The following ADGRV1 variants were observed in gnomAD, a reference collection of about 807,000 sequenced individuals.
ADGRV1 encodes the protein adhesion G protein-coupled receptor V1, also known as G-protein coupled receptor 98.
A neutral mutation model predicts 596.2 loss-of-function variants in ADGRV1; 359 were observed. The observed-to-expected ratio is 0.60, with a 90% CI of 0.55 to 0.66. ADGRV1 has a LOEUF of 0.66. Ranked by LOEUF, ADGRV1 falls within the 30% of genes least tolerant of loss-of-function variation. The pLI is 0.00. For synonymous variants in ADGRV1, 2,681 were observed against 2,679.2 expected (o/e 1.00, Z -0.02); for missense variants, 7,274 against 7,575.6 (o/e 0.96, Z 1.48).
intron 85 of ADGRV1, among the ~76,000 whole-genome samples, chr5:91,043,056 A>C (rs1413691893): frequency 6.6e-6 from 1 of 152,130 alleles, no homozygotes; most frequent in Non-Finnish European, 1.5e-5. Flanking sequence ...TCCCCAGTTC[A>C]CTGTGTATCA....
intron 79 of ADGRV1, among the ~76,000 whole-genome samples, chr5:90,851,264 G>A (rs1026117602): frequency 6.6e-6 from 1 of 151,866 alleles, no homozygotes; most frequent in Non-Finnish European, 1.5e-5. Context: ...CCACATAGGG[G>A]ATTACTGTTC....
At chr5:90,602,295 C>T (rs897436435) in intron 1 of ADGRV1, among the ~76,000 whole-genome samples, 5 of 152,040 alleles carry the variant, frequency 3.3e-5, no homozygotes, top group African/African-American at 4.8e-5. Context: ...AAGAAATTTT[C>T]GAAAGGGGAG....
At chr5:91,036,426 G>A (rs1363873116) in intron 85 of ADGRV1, among the ~76,000 whole-genome samples, 1 of 152,142 alleles carries the variant, frequency 6.6e-6, no homozygotes, top group Non-Finnish European at 1.5e-5. Context: ...GCCGGGCGTG[G>A]TGGCGGGCAC....
chr5:91,009,592 C>G (rs771792143), intron 85 of ADGRV1, among the ~76,000 whole-genome samples: 2 of 151,956 alleles, frequency 1.3e-5, no homozygotes, highest in Non-Finnish European at 2.9e-5. Flanking sequence ...ACATTTAGAA[C>G]CAGATAATGA....
intron 43 of ADGRV1, chr5:90,717,058 C>G (rs1427394442): frequency 1.3e-5 from 2 of 158,938 alleles, no homozygotes; most frequent in African/African-American, 4.8e-5. Flanking sequence ...AAAACCCAAG[C>G]CAACTTTTGT....
chr5:90,969,900 C>T (rs951221015), intron 84 of ADGRV1, among the ~76,000 whole-genome samples: 10 of 152,278 alleles, frequency 6.6e-5, no homozygotes, highest in Admixed American at 3.3e-4. Context: ...TGCAACCCAC[C>T]GAGCGTGAGC....
chr5:90,596,231 T>C (rs2152010376), intron 1 of ADGRV1, among the ~76,000 whole-genome samples: 1 of 143,644 alleles, frequency 7.0e-6, no homozygotes, highest in East Asian at 2.1e-4. Context: ...CTAGATGTGA[T>C]GGCGGCCGGG....
Position 90,595,613 on chromosome 5 carries a change from CT to C in ADGRV1, c.23-19221del, listed in dbSNP as rs1760322688. On this transcript the variant is annotated intron_variant, in intron 1 of 89. Coordinates refer to ENST00000405460, the MANE Select transcript of ADGRV1 (RefSeq NM_032119.4). ...ATGGGGCGGCTGGCCGGGCGGGGGG[CT>C]GACCCCCCCACCTCCCTCCCGGACG... 1.5e-5 allele frequency among the ~76,000 whole-genome samples: 2 copies of C among 129,730 alleles called. 1 individual carries two copies. The highest frequency in any genetic ancestry group is 6.4e-5 in the African/African-American group (2 of 31,140). 85.1% of individuals were successfully genotyped at this position (129,730 alleles called of 152,430 possible). A position where few individuals can be genotyped will look rare whatever the true frequency, so the allele number is the denominator to read the frequency against.
At position 90,647,779 on chromosome 5, in the gene ADGRV1, C is replaced by CT. The variant is rs757984218; in HGVS notation, c.3289+21dup. On this transcript the variant is annotated intron_variant, in intron 17 of 89. Coordinates refer to ENST00000405460, the MANE Select transcript of ADGRV1 (RefSeq NM_032119.4). ...GAATTCAACAGGTAAGTAAATTATGCTTTTTTATGGCAGATCTGCCTCAGT... is the reference window on the plus strand; with the variant it reads ...GAATTCAACAGGTAAGTAAATTATGCTTTTTTTATGGCAGATCTGCCTCAGT... 4.4e-6 allele frequency: 7 copies of CT among 1,604,304 alleles called. No individual in the cohort carries two copies. The East Asian group carries it at 1.6e-4, about 36-fold the overall frequency.
intron 47 of ADGRV1, 64 bp from the exon 48 acceptor site, chr5:90,725,485 T>C: frequency 1.1e-6 from 1 of 889,164 alleles, no homozygotes; most frequent in Non-Finnish European, 1.9e-6. Flanking sequence ...ATGCTATTAG[T>C]GTGTTCAGTG....
At chr5:90,885,787 C>A (rs1436625182) in intron 83 of ADGRV1, among the ~76,000 whole-genome samples, 1 of 151,880 alleles carries the variant, frequency 6.6e-6, no homozygotes, top group South Asian at 2.1e-4. Flanking sequence ...TTTGTCTGGC[C>A]CTTTTATTCT....
intron 1 of ADGRV1, among the ~76,000 whole-genome samples, chr5:90,590,314 G>A (rs1759314713): frequency 6.6e-6 from 1 of 152,164 alleles, no homozygotes; most frequent in Admixed American, 6.5e-5. Context: ...GTTGCAGCTC[G>A]ATAACGGCTG....
chr5:90,875,288 G>A (rs780007477), intron 83 of ADGRV1, among the ~76,000 whole-genome samples: 1 of 152,126 alleles, frequency 6.6e-6, no homozygotes, highest in Non-Finnish European at 1.5e-5. Context: ...ATAATTCTTG[G>A]TTTATAATTT....
chr5:90,704,828 T>TG (rs1286204706), intron 36 of ADGRV1, among the ~76,000 whole-genome samples: 1 of 152,128 alleles, frequency 6.6e-6, no homozygotes, highest in Non-Finnish European at 1.5e-5. Context: ...CTTTTTTTTT[T>TG]TGCGACAGGG....
intron 87 of ADGRV1, among the ~76,000 whole-genome samples, chr5:91,147,784 C>T (rs961679346): frequency 2.6e-5 from 4 of 152,108 alleles, no homozygotes; most frequent in Admixed American, 6.5e-5. Flanking sequence ...GTGGAAGCGC[C>T]GTTGGAACTA....
intron 68 of ADGRV1, among the ~76,000 whole-genome samples, 172 bp from the exon 69 acceptor site, chr5:90,789,530 G>A (rs1759842449): frequency 6.6e-6 from 1 of 152,160 alleles, no homozygotes; most frequent in South Asian, 2.1e-4. Flanking sequence ...TTAGGTAACA[G>A]TCAATGTGAT....
intron 79 of ADGRV1, among the ~76,000 whole-genome samples, chr5:90,850,496 G>A (rs553327429): frequency 6.6e-6 from 1 of 152,204 alleles, no homozygotes; most frequent in East Asian, 1.9e-4. Context: ...TCATTTATTT[G>A]CTTCAAGTAA....
intron 83 of ADGRV1, among the ~76,000 whole-genome samples, chr5:90,961,232 G>A (rs945244800): frequency 1.6e-4 from 24 of 152,204 alleles, no homozygotes; most frequent in African/African-American, 5.3e-4. Context: ...CGCGCGCAGC[G>A]GTTCACGCCT....
At position 90,644,277 on chromosome 5, in the gene ADGRV1, AACT is replaced by A. The variant is rs201586621; in HGVS notation, c.2734+298_2734+300del. Among the ~76,000 whole-genome samples the A allele has an allele frequency of 3.2e-4, 49 of 152,338 alleles. 1 individual carries two copies. The highest frequency in any genetic ancestry group is 1.2e-3 in the African/African-American group (49 of 41,584). On this transcript the variant is annotated intron_variant, in intron 14 of 89. Transcript: ENST00000405460. ...AAATAGCGAGAACCTTAAAACTAAG[AACT>A]ACTGCTACGGAACTGTTGAGGTGAC...
Sources: allele counts gnomAD v4.1 joint callset (sites outside exome capture counted in the v4.1 genomes callset), GRCh38; gene constraint gnomAD v4.1.1; transcripts MANE v1.5; gene names NCBI Gene and HGNC (gene_info 2026-07-23, HGNC 2026-07-21).